IRS2: variants seen among roughly 807,000 people sequenced by gnomAD.
IRS2 encodes insulin receptor substrate 2.
IRS2 carries 28 observed loss-of-function variants against 70.9 expected under a neutral mutation model. That is an observed-to-expected ratio of 0.39 (90% confidence interval 0.29 to 0.54). The LOEUF is 0.54. IRS2 is among the 20% of genes least tolerant of loss of function. The pLI is 0.59. For synonymous variants in IRS2, 1,217 were observed against 981.9 expected, an observed-to-expected ratio of 1.24 and a Z score of -4.48; for missense variants, 2,081 against 2,024.1, an observed-to-expected ratio of 1.03 and a Z score of -0.54.
chr13:109,781,606 A>G (rs1283910531), intron 1 of IRS2, among the ~76,000 whole-genome samples: 1 of 152,214 alleles, frequency 6.6e-6, no homozygotes. Flanking sequence ...CTCCAGGAAC[A>G]CAGGGAAAGG....
At chr13:109,768,067 T>C (rs1877375685) in intron 1 of IRS2, among the ~76,000 whole-genome samples, 1 of 152,212 alleles carries the variant, frequency 6.6e-6, no homozygotes, top group South Asian at 2.1e-4. Flanking sequence ...TTACATGATT[T>C]TGTAATATTC....
chr13:109,779,799 G>A (rs1009837315), intron 1 of IRS2, among the ~76,000 whole-genome samples: 1 of 152,136 alleles, frequency 6.6e-6, no homozygotes, highest in Non-Finnish European at 1.5e-5. Flanking sequence ...TCTCATCTTT[G>A]TTCAGCAGCT....
Position 109,753,777 on chromosome 13 carries a change from A to C in IRS2, c.*2527T>G. 1 of 200,330 alleles carries C rather than the reference A, an allele frequency of 5.0e-6. No homozygotes were observed. Among genetic ancestry groups the C allele is most frequent in the Non-Finnish European group, 1.0e-5 (1 of 97,056 alleles). The allele number at this position is 200,330 out of a possible 1,614,324, so 12.4% of individuals were successfully genotyped here. ...TTTCCTCACTTACTCCCAAACTCTA[A>C]AAGTAGATTGGCTTTATGTTAAACA... On this transcript the variant is annotated 3_prime_UTR_variant, in exon 2 of 2. Coordinates refer to ENST00000375856, the MANE Select transcript of IRS2 (RefSeq NM_003749.3).
intron 1 of IRS2, among the ~76,000 whole-genome samples, chr13:109,761,265 T>C (rs761609463): frequency 1.8e-4 from 28 of 151,496 alleles, no homozygotes; most frequent in Non-Finnish European, 3.4e-4. Flanking sequence ...ATTCATGGAG[T>C]AGGTAAAGAT....
intron 1 of IRS2, among the ~76,000 whole-genome samples, chr13:109,776,878 G>A (rs1416336881): frequency 1.3e-5 from 2 of 152,188 alleles, no homozygotes; most frequent in Non-Finnish European, 2.9e-5. Flanking sequence ...AATATAGAAA[G>A]AGTGTCCCTA....
Position 109,783,079 on chromosome 13 carries a change from C to G in IRS2, c.2975G>C (p.Gly992Ala). The G allele has an allele frequency of 2.2e-6, 3 of 1,382,604 alleles. No individual in the cohort carries two copies. In the African/African-American group the frequency reaches 4.6e-5, roughly 21 times the overall value. 85.6% of individuals were successfully genotyped at this position (1,382,604 alleles called of 1,614,324 possible). A position where few individuals can be genotyped will look rare whatever the true frequency, so the allele number is the denominator to read the frequency against. The change falls in exon 1 of 2, where the codon GGC (glycine) becomes GCC (alanine). Residue 992 changes from glycine (G) to alanine (A), a missense_variant. Gly to Ala is a moderately conservative substitution (Grantham distance 60). Coordinates refer to ENST00000375856, the MANE Select transcript of IRS2 (RefSeq NM_003749.3). ...GCCCACGGGGTGGCCGCTCGGGGCGCCCGGCTTAGGAGACTTGGGGGAGCT... is the reference window on the plus strand; with the variant it reads ...GCCCACGGGGTGGCCGCTCGGGGCGGCCGGCTTAGGAGACTTGGGGGAGCT... ...DFSSPKSPKP[G>A]APSGHPVGSL...
chr13:109,780,905 C>A (rs1003757411), intron 1 of IRS2, among the ~76,000 whole-genome samples: 5 of 152,212 alleles, frequency 3.3e-5, no homozygotes, highest in African/African-American at 4.8e-5. Flanking sequence ...GTTTAGACAG[C>A]CAGAATGCAC....
At chr13:109,772,772 T>C (rs539496358) in intron 1 of IRS2, among the ~76,000 whole-genome samples, 4 of 150,290 alleles carry the variant, frequency 2.7e-5, no homozygotes, top group East Asian at 4.0e-4. Context: ...CTCGGCTCAC[T>C]GCAAGCTCCG....
At chr13:109,768,378 A>T (rs1281907438) in intron 1 of IRS2, among the ~76,000 whole-genome samples, 1 of 152,232 alleles carries the variant, frequency 6.6e-6, no homozygotes, top group Non-Finnish European at 1.5e-5. Flanking sequence ...CCTCACCAGC[A>T]GGCTAAGAGG....
Position 109,784,462 on chromosome 13 carries a change from C to T in IRS2, c.1592G>A (p.Arg531Gln), listed in dbSNP as rs777698333. The change falls in exon 1 of 2, where the codon CGA (arginine) becomes CAA (glutamine). Residue 531 changes from arginine to glutamine, a missense_variant. Arg to Gln is a conservative substitution (Grantham distance 43). Around this residue, in one of 4 missense-constraint regions of IRS2, gnomAD observed 1,615 missense variants for 1,459.5 expected, o/e 1.11. Coordinates refer to ENST00000375856, the MANE Select transcript of IRS2 (RefSeq NM_003749.3). This position sits in a 1 kb window ranked among gnomAD's most constrained non-coding sequence, Gnocchi z 5.2. Reference protein sequence around the residue: ...PESIAETPPARDGGGGGEFYG... With the variant: ...PESIAETPPAQDGGGGGEFYG... ...GAACTCACCGCCGCCGCCGCCGTCT[C>T]GGGCCGGGGGCGTCTCCGCGATGGA... 2.5e-6 allele frequency: 4 copies of T among 1,581,866 alleles called. No individual in the cohort carries two copies. The highest frequency in any genetic ancestry group is 3.4e-6 in the Non-Finnish European group (4 of 1,161,642).
In IRS2 at chr13:109,784,375, G is replaced by A. The variant is rs2138935592; in HGVS notation, c.1679C>T (p.Ser560Leu). Residue 560 changes from serine (S) to leucine (L), a missense_variant, in exon 1 of 2, where the codon TCG (serine) becomes TTG (leucine). By Grantham distance (145) the Ser-to-Leu change is moderately radical. Transcript: ENST00000375856. The surrounding 1 kb of genome is among the most constrained non-coding windows in gnomAD (Gnocchi z 5.2). ...GTCCAGGTCCTGGGCCGCGTCCCCC[G>A]AGACCCGGCGGTAGGAGCGGCCACA... ...SHCGRSYRRV[S>L]GDAAQDLDRG... 1 of 1,610,238 alleles carries A rather than the reference G, an allele frequency of 6.2e-7. No homozygotes were observed. Among genetic ancestry groups the A allele is most frequent in the Non-Finnish European group, 8.5e-7 (1 of 1,179,460 alleles).
At position 109,783,243 on chromosome 13, in the gene IRS2, G is replaced by T; in HGVS notation, c.2811C>A (p.Pro937=). The T allele has an allele frequency of 6.8e-7, 1 of 1,470,160 alleles. No individual in the cohort carries two copies. Among genetic ancestry groups the T allele is most frequent in the Non-Finnish European group, 9.0e-7 (1 of 1,115,010 alleles). The allele number at this position is 1,470,160 out of a possible 1,614,324, so 91.1% of individuals were successfully genotyped here. A position where few individuals can be genotyped will look rare whatever the true frequency, so the allele number is the denominator to read the frequency against. Residue 937 remains proline, a synonymous_variant, in exon 1 of 2, where the codon CCC becomes CCA. Coordinates refer to ENST00000375856, the MANE Select transcript of IRS2 (RefSeq NM_003749.3). ...AGGACGAGGCCGCCGACGCCAGCAG[G>T]GGAGGCGCGGGCGGCGACAGGCGGG... ...PGARLSPPAP[P]LLASAASSSS...
In IRS2 at chr13:109,755,986, T is replaced by C. The variant is rs1473310784; in HGVS notation, c.*318A>G. ...AAAAGAAGAAGAAATTAAAAGACACTGGCCACAATTTAAGAAGGCCAATGA... is the reference window on the plus strand; with the variant it reads ...AAAAGAAGAAGAAATTAAAAGACACCGGCCACAATTTAAGAAGGCCAATGA... On this transcript the variant is annotated 3_prime_UTR_variant, in exon 2 of 2. Transcript: ENST00000375856. The C allele has an allele frequency of 4.6e-6, 2 of 431,780 alleles. No homozygotes were observed. Among genetic ancestry groups the C allele is most frequent in the Admixed American group, 3.7e-5 (1 of 27,178 alleles). The allele number at this position is 431,780 out of a possible 1,614,324, so 26.7% of individuals were successfully genotyped here. A position where few individuals can be genotyped will look rare whatever the true frequency, so the allele number is the denominator to read the frequency against.
rs948691811 is a variant in IRS2 at position 109,782,907 on chromosome 13, G to A, written c.3147C>T (p.Ala1049=). The A allele has an allele frequency of 7.8e-6, 12 of 1,547,814 alleles. No individual in the cohort carries two copies. The highest frequency in any genetic ancestry group is 2.0e-5 in the Admixed American group (1 of 50,930). The change falls in exon 1 of 2, where the codon GCC becomes GCT. Residue 1049 remains alanine (A), a synonymous_variant. Coordinates refer to ENST00000375856, the MANE Select transcript of IRS2 (RefSeq NM_003749.3). ...CGCCCGGGCCCTGGGCGGTGGCAAC[G>A]GCCGAGGCGGGGGGCAGGCGGTACA... ...GELYRLPPAS[A]VATAQGPGAA...
intron 1 of IRS2, among the ~76,000 whole-genome samples, chr13:109,764,404 C>T (rs2138914532): frequency 6.6e-6 from 1 of 152,336 alleles, no homozygotes; most frequent in East Asian, 1.9e-4. Flanking sequence ...CTACCTCTCC[C>T]ACCCTGAATT....
chr13:109,757,032 G>A (rs940051686), intron 1 of IRS2, among the ~76,000 whole-genome samples: 2 of 152,304 alleles, frequency 1.3e-5, no homozygotes, highest in Non-Finnish European at 2.9e-5. Context: ...TGTGCTCAGA[G>A]GGGACAGGGA....
In IRS2 at chr13:109,783,516, C is replaced by T. The variant is rs1192878011; in HGVS notation, c.2538G>A (p.Gly846=). Residue 846 remains glycine, a synonymous_variant, in exon 1 of 2, where the codon GGG becomes GGA. Coordinates refer to ENST00000375856, the MANE Select transcript of IRS2 (RefSeq NM_003749.3). ...CGAAGGCGCTGGCCGCCTGGCTGGGCCCTGGCGTGGCCTGAGGCTCCAGAC... is the reference window on the plus strand; with the variant it reads ...CGAAGGCGCTGGCCGCCTGGCTGGGTCCTGGCGTGGCCTGAGGCTCCAGAC... ...EERLEPQATP[G]PSQAASAFGA... 6.5e-6 allele frequency: 10 copies of T among 1,547,958 alleles called. No homozygotes were observed. The East Asian group carries it at 2.4e-4, about 38-fold the overall frequency.
chr13:109,766,377 G>A (rs71439393), intron 1 of IRS2, among the ~76,000 whole-genome samples: 4 of 11,474 alleles, frequency 3.5e-4, no homozygotes, highest in African/African-American at 1.2e-3. Flanking sequence ...CCCTGACTCC[G>A]ACTCCCCACC....
chr13:109,772,872 T>A (rs12584954), intron 1 of IRS2, among the ~76,000 whole-genome samples: 10,198 of 151,660 alleles, frequency 0.067, 390 homozygotes, highest in African/African-American at 0.11. Context: ...ATTTTTTGTA[T>A]TTTTAGTAGA....
Sources: gnomAD v4.1 joint callset for allele counts (sites outside exome capture counted in the v4.1 genomes callset) on GRCh38, gnomAD v4.1.1 for gene constraint, gnomAD v4.1.1 regional missense constraint, Gnocchi (gnomAD v3.1) non-coding constraint, MANE v1.5 for transcripts, NCBI Gene and HGNC (gene_info 2026-07-23, HGNC 2026-07-21) for gene names.